CNGA1: variants seen among roughly 807,000 people sequenced by gnomAD.
CNGA1 encodes cyclic nucleotide-gated channel alpha-1.
A neutral mutation model predicts 69.7 loss-of-function variants in CNGA1; 53 were observed. The ratio of observed to expected loss-of-function variants is 0.76; its 90% CI spans 0.61 to 0.96. The LOEUF is 0.96. Among genes scored for constraint, CNGA1 ranks in the 40% least tolerant of loss-of-function variants. The pLI, the probability that CNGA1 is intolerant of heterozygous loss-of-function variation, is 0.00. For missense variants in CNGA1, 739 were observed against 811.2 expected (o/e 0.91, Z 1.08); for synonymous variants, 249 against 283.5 (o/e 0.88, Z 1.22).
rs191414987 is a variant in CNGA1, at chr4:47,998,241, G to A, written c.-123+12553C>T. On this transcript the variant is annotated intron_variant, in intron 2 of 10. Coordinates refer to ENST00000514170, the MANE Select transcript of CNGA1 (RefSeq NM_001379270.1). ...GATTGAAGTAGCCAGAATTTTCAGAGCAAAGTACTAGAGAAGAGGAAGCAA... is the reference window on the plus strand; with the variant it reads ...GATTGAAGTAGCCAGAATTTTCAGAACAAAGTACTAGAGAAGAGGAAGCAA... Among the ~76,000 whole-genome samples the A allele has an allele frequency of 1.6e-3, 237 of 152,282 alleles. 1 individual carries two copies. Among genetic ancestry groups the A allele is most frequent in the African/African-American group, 5.4e-3 (224 of 41,566 alleles).
At chr4:48,003,735 GA>G (rs1371690491) in intron 2 of CNGA1, among the ~76,000 whole-genome samples, 3 of 152,272 alleles carry the variant, frequency 2.0e-5, no homozygotes, top group Non-Finnish European at 4.4e-5. Context: ...ACAAGAGTGT[GA>G]ACCTTCTGTT....
intron 2 of CNGA1, among the ~76,000 whole-genome samples, chr4:47,989,324 T>A (rs1742134873): frequency 6.6e-6 from 1 of 152,148 alleles, no homozygotes; most frequent in Non-Finnish European, 1.5e-5. Context: ...AACATGAGCA[T>A]CCAATCTGTA....
intron 3 of CNGA1, among the ~76,000 whole-genome samples, chr4:47,953,923 G>A (rs1013388204): frequency 7.4e-6 from 1 of 135,082 alleles, no homozygotes; most frequent in African/African-American, 2.8e-5. Context: ...TTATGCCCTC[G>A]GACCTAAGTG....
intron 3 of CNGA1, among the ~76,000 whole-genome samples, chr4:47,976,992 G>C (rs1314581369): frequency 6.6e-6 from 1 of 152,224 alleles, no homozygotes; most frequent in Non-Finnish European, 1.5e-5. Context: ...GATCTTGAAA[G>C]ATGAATAGGA....
At chr4:47,957,916 A>G (rs1282549398) in intron 3 of CNGA1, among the ~76,000 whole-genome samples, 1 of 126,836 alleles carries the variant, frequency 7.9e-6, no homozygotes, top group African/African-American at 3.0e-5. Context: ...TTTTTTTGAG[A>G]TGGAGTCTTG....
chr4:47,969,500 T>C (rs1209950581), intron 3 of CNGA1, among the ~76,000 whole-genome samples: 1 of 152,150 alleles, frequency 6.6e-6, no homozygotes, highest in Non-Finnish European at 1.5e-5. Flanking sequence ...GATGGAGTCT[T>C]GCTCTGTCGC....
chr4:47,989,813 CT>C (rs1008983223), intron 2 of CNGA1, among the ~76,000 whole-genome samples: 8 of 151,790 alleles, frequency 5.3e-5, no homozygotes, highest in African/African-American at 1.9e-4. Flanking sequence ...CCCTTTCCCC[CT>C]GATTCCCCAA....
intron 3 of CNGA1, among the ~76,000 whole-genome samples, chr4:47,980,949 T>G (rs1741678532): frequency 2.0e-5 from 2 of 98,162 alleles, no homozygotes; most frequent in Non-Finnish European, 4.6e-5. Context: ...GTTATAATAA[T>G]GTTGATAAAG....
intron 2 of CNGA1, among the ~76,000 whole-genome samples, chr4:47,989,144 G>A (rs1014166827): frequency 1.3e-5 from 2 of 152,076 alleles, no homozygotes; most frequent in African/African-American, 4.8e-5. Context: ...TGTTACTTAG[G>A]TCAAGTTACG....
chr4:47,989,662 G>A (rs535255230), intron 2 of CNGA1, among the ~76,000 whole-genome samples: 13 of 152,066 alleles, frequency 8.5e-5, no homozygotes, highest in Admixed American at 3.9e-4. Flanking sequence ...TTTTGTTTCC[G>A]TAGGTTATTG....
At chr4:47,983,466 T>C (rs1003476359) in intron 2 of CNGA1, among the ~76,000 whole-genome samples, 1 of 152,028 alleles carries the variant, frequency 6.6e-6, no homozygotes, top group Admixed American at 6.6e-5. Flanking sequence ...GTACAGTGCC[T>C]GTAATCCCAG....
chr4:47,943,705 G>C (rs1449714737), intron 6 of CNGA1, among the ~76,000 whole-genome samples: 2 of 152,170 alleles, frequency 1.3e-5, no homozygotes, highest in African/African-American at 4.8e-5. Flanking sequence ...AGCCCCCCAA[G>C]AGTGTTCTTC....
chr4:48,014,107 G>A (rs749263211), intron 1 of CNGA1, among the ~76,000 whole-genome samples: 5 of 152,136 alleles, frequency 3.3e-5, no homozygotes, highest in South Asian at 2.1e-4. Flanking sequence ...AGTTATTATC[G>A]CATTCTAATT....
At position 47,943,377 on chromosome 4, in the gene CNGA1, T is replaced by G. The variant is rs773033454; in HGVS notation, c.323A>C (p.Lys108Thr). ...PEEKKKKKKE[K>T]KSKSDDKNEN... Reference sequence around the variant, plus strand: ...ATTCTTGCCAAAGTCTTACCTCTTCTTTTCTTTTTTCTTTTTCTTTTTTTC... The same window carrying G: ...ATTCTTGCCAAAGTCTTACCTCTTCGTTTCTTTTTTCTTTTTCTTTTTTTC... Residue 108 changes from lysine (K) to threonine (T), a missense_variant, in exon 7 of 11, where the codon AAG becomes ACG. Lys to Thr is a moderately conservative substitution (Grantham distance 78). Coordinates refer to ENST00000514170, the MANE Select transcript of CNGA1 (RefSeq NM_001379270.1). 6.6e-7 allele frequency: 1 copy of G among 1,518,682 alleles called. No homozygotes were observed. Among genetic ancestry groups the G allele is most frequent in the East Asian group, 2.5e-5 (1 of 40,526 alleles). 94.1% of individuals were successfully genotyped at this position (1,518,682 alleles called of 1,614,324 possible).
intron 2 of CNGA1, among the ~76,000 whole-genome samples, chr4:47,989,674 G>A (rs758812615): frequency 2.0e-5 from 3 of 151,922 alleles, no homozygotes; most frequent in Admixed American, 6.6e-5. Flanking sequence ...AGGTTATTGG[G>A]GAAGCTGGTG....
In CNGA1 at chr4:47,993,095, G is replaced by C. The variant is rs770438349; in HGVS notation, c.-122-11595C>G. Among the ~76,000 whole-genome samples the C allele has an allele frequency of 4.6e-5, 7 of 152,182 alleles. No homozygotes were observed. The Middle Eastern group carries it at 0.01, about 222-fold the overall frequency. The stretch of plus-strand genomic sequence containing the variant: ...ATATGTTGTTGGATTCGGTTAGCTA[G>C]TATTTTGTTAATTTTAGCATCTACG... On this transcript the variant is annotated intron_variant, in intron 2 of 10. Transcript: ENST00000514170.
intron 8 of CNGA1, among the ~76,000 whole-genome samples, chr4:47,942,504 C>T (rs572284773): frequency 5.3e-5 from 8 of 152,184 alleles, no homozygotes; most frequent in Admixed American, 2.0e-4. Flanking sequence ...TTACTAAAGC[C>T]CTGGTTTCAC....
intron 2 of CNGA1, among the ~76,000 whole-genome samples, chr4:48,001,051 A>C (rs1274898314): frequency 6.6e-6 from 1 of 152,204 alleles, no homozygotes; most frequent in Non-Finnish European, 1.5e-5. Flanking sequence ...TTAAAAGCAA[A>C]GATTTTCAGA....
At chr4:47,938,411 T>G (rs1287350454) in intron 10 of CNGA1, among the ~76,000 whole-genome samples, 2 of 146,232 alleles carry the variant, frequency 1.4e-5, no homozygotes, top group Middle Eastern at 3.3e-3. Context: ...TTTTTTTTTT[T>G]GAGTCAGAGT....
Sources: allele counts gnomAD v4.1 joint callset (sites outside exome capture counted in the v4.1 genomes callset), GRCh38; gene constraint gnomAD v4.1.1; transcripts MANE v1.5; gene names NCBI Gene and HGNC (gene_info 2026-07-23, HGNC 2026-07-21).